Variants in TRIM49 observed in about 807,000 individuals in gnomAD.
The protein encoded by TRIM49 is tripartite motif-containing protein 49.
TRIM49 carries 5 observed loss-of-function variants against 27.4 expected under a neutral mutation model. That is an observed-to-expected ratio of 0.18 (90% confidence interval 0.10 to 0.38). TRIM49 has a LOEUF of 0.38. TRIM49 is among the 10% of genes least tolerant of loss of function. TRIM49 has a pLI of 1.00. For synonymous variants in TRIM49, 69 were observed against 166.0 expected, an observed-to-expected ratio of 0.42 and a Z score of 4.49; for missense variants, 188 against 487.5, an observed-to-expected ratio of 0.39 and a Z score of 5.79.
intron 2 of TRIM49, among the ~76,000 whole-genome samples, chr11:89,805,723 GTT>G (rs56724617): frequency 5.0e-5 from 7 of 139,658 alleles, no homozygotes; most frequent in East Asian, 4.1e-4. Flanking sequence ...GTTTTTTTTT[GTT>G]TTTTTTTTTT....
the TRIM49 span, among the ~76,000 whole-genome samples, chr11:89,769,088 A>T: frequency 1.7e-4 from 23 of 133,600 alleles, no homozygotes; most frequent in South Asian, 2.3e-3. Flanking sequence ...AGGATGAGGC[A>T]GGAGAATAGC....
At chr11:89,781,510 TACTC>T in the TRIM49 span, among the ~76,000 whole-genome samples, 6 of 146,052 alleles carry the variant, frequency 4.1e-5, no homozygotes, top group South Asian at 2.1e-4. Flanking sequence ...TTCCAATAAA[TACTC>T]ACATCACAGC....
chr11:89,790,562 A>G, the TRIM49 span, among the ~76,000 whole-genome samples: 11 of 152,076 alleles, frequency 7.2e-5, no homozygotes, highest in South Asian at 4.1e-4. Flanking sequence ...TTCTAGAGGA[A>G]CGATCAGGCA....
the TRIM49 span, among the ~76,000 whole-genome samples, chr11:89,770,796 G>A: frequency 6.9e-6 from 1 of 143,986 alleles, no homozygotes; most frequent in Non-Finnish European, 1.5e-5. Context: ...AACCCGGGAG[G>A]CGGAGCTTGC....
At chr11:89,793,809 G>A (rs1191044491), downstream of TRIM49, among the ~76,000 whole-genome samples, 12 of 151,936 alleles carry the variant, frequency 7.9e-5, no homozygotes, top group East Asian at 2.0e-4. Context: ...CTGGAAGCAT[G>A]CCCTTAGAAA....
rs1264788119 is a variant in TRIM49 at position 89,807,225 on chromosome 11, T to G, written c.-131A>C. The G allele has an allele frequency of 2.0e-5, 3 of 153,160 alleles. No homozygotes were observed. The highest frequency in any genetic ancestry group is 4.4e-5 in the Non-Finnish European group (3 of 67,934). 9.5% of individuals were successfully genotyped at this position (153,160 alleles called of 1,614,324 possible). On this transcript the variant is annotated 5_prime_UTR_variant, in exon 2 of 8. Coordinates refer to ENST00000329758, the MANE Select transcript of TRIM49 (RefSeq NM_020358.2). ...GAGGTCGCCAAAATGCAGTTCTAAGTGCAGTCCTTCTCCTTCAGAGAAAAC... is the reference window on the plus strand; with the variant it reads ...GAGGTCGCCAAAATGCAGTTCTAAGGGCAGTCCTTCTCCTTCAGAGAAAAC...
the TRIM49 span, chr11:89,777,446 G>A: frequency 4.6e-6 from 7 of 1,528,550 alleles, no homozygotes; most frequent in Non-Finnish European, 6.1e-6. Flanking sequence ...AATGATGAGG[G>A]CCTGTGATAA....
chr11:89,774,281 T>TG, the TRIM49 span, among the ~76,000 whole-genome samples: 3 of 151,180 alleles, frequency 2.0e-5, no homozygotes, highest in Non-Finnish European at 2.9e-5. Context: ...ATTACAGGCA[T>TG]GAGCCACCTT....
At position 89,804,194 on chromosome 11, in the gene TRIM49, C is replaced by T. The variant is rs550398042; in HGVS notation, c.276G>A (p.Met92Ile). 1 of 1,607,604 alleles carries T rather than the reference C, an allele frequency of 6.2e-7. No homozygotes were observed. The highest frequency in any genetic ancestry group is 1.4e-5 in the African/African-American group (1 of 73,776). The stretch of plus-strand genomic sequence containing the variant: ...TCTTTGTCTCCCTGTGAGTGCCACA[C>T]ATTTGCTCCTCAGAGCTCAGGAATA... ...LWLFLSSEEQ[M>I]CGTHRETKKI... The change falls in exon 3 of 8, where the codon ATG becomes ATA. Residue 92 changes from methionine to isoleucine, a missense_variant. Met to Ile is a conservative substitution (Grantham distance 10). Around this residue, in one of 6 missense-constraint regions of TRIM49, gnomAD observed 21 missense variants for 71.4 expected, o/e 0.29. Transcript: ENST00000329758.
chr11:89,766,604 A>G, the TRIM49 span: 1 of 953,962 alleles, frequency 1.0e-6, no homozygotes, highest in South Asian at 1.4e-5. Flanking sequence ...ATCTGTGGCC[A>G]GTGTAAAAGA....
At chr11:89,768,226 G>A in the TRIM49 span, 98 of 1,468,596 alleles carry the variant, frequency 6.7e-5, 10 homozygotes, top group Middle Eastern at 2.5e-4. Flanking sequence ...GTCCTGTGAT[G>A]GGCCCTGTAG....
At chr11:89,803,592 T>A in intron 4 of TRIM49, 106 bp downstream of exon 4, 2 of 1,477,506 alleles carry the variant, frequency 1.4e-6, no homozygotes, top group East Asian at 2.4e-5. Flanking sequence ...TTTTTTTTTT[T>A]ACTGTATCCC....
the TRIM49 span, chr11:89,777,144 C>T: frequency 6.4e-7 from 1 of 1,550,620 alleles, no homozygotes; most frequent in Non-Finnish European, 8.7e-7. Flanking sequence ...GCCCTTCGTG[C>T]AGAAAAACCT....
the TRIM49 span, among the ~76,000 whole-genome samples, chr11:89,770,384 G>C: frequency 7.4e-6 from 1 of 134,798 alleles, no homozygotes; most frequent in African/African-American, 3.4e-5. Flanking sequence ...GACAATGGGG[G>C]CAAATATGGT....
intron 2 of TRIM49, among the ~76,000 whole-genome samples, chr11:89,806,018 C>A (rs1369733347): frequency 4.6e-5 from 7 of 150,836 alleles, no homozygotes; most frequent in Non-Finnish European, 8.8e-5. Context: ...CAGTGCCCAG[C>A]CCGGCGGTTT....
At chr11:89,777,435 G>A in the TRIM49 span, 5 of 1,530,504 alleles carry the variant, frequency 3.3e-6, no homozygotes, top group Non-Finnish European at 4.4e-6. Flanking sequence ...TCCCAAATAA[G>A]AATGATGAGG....
intron 2 of TRIM49, among the ~76,000 whole-genome samples, chr11:89,805,564 C>T (rs1459673807): frequency 6.6e-6 from 1 of 151,778 alleles, no homozygotes; most frequent in Admixed American, 6.6e-5. Context: ...CCGGTATTCT[C>T]AGGACACCAG....
intron 6 of TRIM49, among the ~76,000 whole-genome samples, chr11:89,800,053 A>C (rs2134636277): frequency 6.6e-6 from 1 of 150,610 alleles, no homozygotes; most frequent in South Asian, 2.1e-4. Context: ...CAAATGTGTA[A>C]GGTTCCTTAG....
At chr11:89,797,566 T>C (rs1318614741), downstream of TRIM49, 1 of 152,334 alleles carries the variant, frequency 6.6e-6, no homozygotes, top group Non-Finnish European at 1.5e-5. Context: ...ATTGTGTATT[T>C]CAATGTAGAC....
Sources: allele counts gnomAD v4.1 joint callset (sites outside exome capture counted in the v4.1 genomes callset), GRCh38; gene constraint gnomAD v4.1.1; regional missense constraint gnomAD v4.1.1; transcripts MANE v1.5; gene names NCBI Gene and HGNC (gene_info 2026-07-23, HGNC 2026-07-21).